Variants in CAPN13 observed in about 807,000 individuals in gnomAD.
CAPN13 encodes calpain-13.
Under a neutral mutation model 98.4 loss-of-function variants are expected in CAPN13, and 90 were observed. The ratio of observed to expected loss-of-function variants is 0.92; its 90% CI spans 0.77 to 1.09. The LOEUF (loss-of-function observed/expected upper bound fraction) is 1.09, where lower values mean the gene tolerates loss of function less well. Among genes scored for constraint, CAPN13 ranks in the 50% least tolerant of loss-of-function variants. The probability of loss-of-function intolerance (pLI) is 0.00; values close to 1 mark genes in which losing one functional copy is unlikely to be tolerated. For synonymous variants in CAPN13, 330 were observed against 305.5 expected, an observed-to-expected ratio of 1.08 and a Z score of -0.84; for missense variants, 887 against 841.3, an observed-to-expected ratio of 1.05 and a Z score of -0.67.
intron 4 of CAPN13, among the ~76,000 whole-genome samples, chr2:30,773,032 G>A (rs1434456250): frequency 6.6e-6 from 1 of 152,076 alleles, no homozygotes; most frequent in Non-Finnish European, 1.5e-5. Flanking sequence ...CACCATGTTG[G>A]CCAGGATGGC....
chr2:30,752,421 G>A (rs1672220211), intron 10 of CAPN13, among the ~76,000 whole-genome samples: 1 of 152,188 alleles, frequency 6.6e-6, no homozygotes, highest in African/African-American at 2.4e-5. Flanking sequence ...GACAGGGAGG[G>A]AATGTGACTT....
At chr2:30,773,965 A>T (rs1394089337) in intron 4 of CAPN13, among the ~76,000 whole-genome samples, 1 of 152,172 alleles carries the variant, frequency 6.6e-6, no homozygotes, top group Non-Finnish European at 1.5e-5. Flanking sequence ...CTACTTTATT[A>T]ATCTCCCCAA....
At position 30,738,234 on chromosome 2, in the gene CAPN13, C is replaced by A; in HGVS notation, c.1653+1G>T. ...ATGGGAGGGATGACCGCAAAGGATA[C>A]TTCCATCAGAGCCACCAAGCTGCGG... is the stretch of plus-strand genomic sequence containing the variant. On this transcript the variant is annotated splice_donor_variant, in intron 17 of 22. Transcript: ENST00000295055. LOFTEE classifies it high-confidence loss of function. 1 of 1,613,936 alleles carries A rather than the reference C, an allele frequency of 6.2e-7. No individual in the cohort carries two copies. Among genetic ancestry groups the A allele is most frequent in the Non-Finnish European group, 8.5e-7 (1 of 1,179,862 alleles).
chr2:30,799,567 G>A (rs1470971099), intron 1 of CAPN13, among the ~76,000 whole-genome samples: 1 of 152,152 alleles, frequency 6.6e-6, no homozygotes, highest in Non-Finnish European at 1.5e-5. Flanking sequence ...CTCCTGTCCT[G>A]CCCCCAGCTT....
chr2:30,729,116 A>AGC (rs1370153924), intron 22 of CAPN13, among the ~76,000 whole-genome samples: 1 of 152,230 alleles, frequency 6.6e-6, no homozygotes, highest in Non-Finnish European at 1.5e-5. Flanking sequence ...ATGAGGAAGA[A>AGC]GTGGGGAGAT....
intron 12 of CAPN13, among the ~76,000 whole-genome samples, chr2:30,744,802 A>G (rs1255868438): frequency 6.6e-6 from 1 of 152,170 alleles, no homozygotes; most frequent in Admixed American, 6.5e-5. Flanking sequence ...CTGGTCATGC[A>G]CAGACCTGAC....
intron 1 of CAPN13, among the ~76,000 whole-genome samples, chr2:30,800,336 G>A (rs961390796): frequency 6.6e-6 from 1 of 152,172 alleles, no homozygotes; most frequent in Non-Finnish European, 1.5e-5. Flanking sequence ...AAGCAGAAGC[G>A]ACTTACTGAG....
intron 22 of CAPN13, among the ~76,000 whole-genome samples, chr2:30,730,516 A>G (rs762201340): frequency 1.3e-5 from 2 of 152,102 alleles, no homozygotes; most frequent in Non-Finnish European, 2.9e-5. Flanking sequence ...ATGCCTTTCC[A>G]TAAAGGTCCA....
intron 19 of CAPN13, 48 bp downstream of exon 19, chr2:30,734,401 C>T: frequency 6.9e-7 from 1 of 1,450,114 alleles, no homozygotes; most frequent in Non-Finnish European, 9.7e-7. Flanking sequence ...TGGGCATCAC[C>T]CCCCTCCCCG....
At chr2:30,776,518 TTC>T (rs1572857243) in intron 3 of CAPN13, among the ~76,000 whole-genome samples, 1 of 152,222 alleles carries the variant, frequency 6.6e-6, no homozygotes, top group Non-Finnish European at 1.5e-5. Context: ...CAGCCTCTGA[TTC>T]TCTTTTTGCC....
At chr2:30,792,620 A>G (rs948985194) in intron 1 of CAPN13, among the ~76,000 whole-genome samples, 1 of 152,068 alleles carries the variant, frequency 6.6e-6, no homozygotes, top group Non-Finnish European at 1.5e-5. Context: ...AGTGAATTCT[A>G]TTACACCTTC....
rs529316430 is a variant in CAPN13, at chr2:30,773,052, C to A, written c.388-2603G>T. 4.6e-5 allele frequency among the ~76,000 whole-genome samples: 7 copies of A among 152,330 alleles called. No individual in the cohort carries two copies. The East Asian group carries it at 1.4e-3, about 29-fold the overall frequency. On this transcript the variant is annotated intron_variant, in intron 4 of 22. Transcript: ENST00000295055. ...TGTTGGCCAGGATGGCTTCGATCTC[C>A]TGACCTCGTGATCTACCCACCTCAG...
At chr2:30,760,921 G>T (rs904485954) in intron 7 of CAPN13, among the ~76,000 whole-genome samples, 5 of 152,220 alleles carry the variant, frequency 3.3e-5, no homozygotes, top group Non-Finnish European at 5.9e-5. Flanking sequence ...TACTGGGCAG[G>T]AGGTGGCCCG....
chr2:30,794,431 T>C (rs149486242), intron 1 of CAPN13, among the ~76,000 whole-genome samples: 1 of 152,026 alleles, frequency 6.6e-6, no homozygotes, highest in East Asian at 1.9e-4. Context: ...AACTGGAACT[T>C]TCATACACTC....
At chr2:30,778,076 T>C (rs1673793097) in intron 2 of CAPN13, among the ~76,000 whole-genome samples, 1 of 152,194 alleles carries the variant, frequency 6.6e-6, no homozygotes, top group Admixed American at 6.5e-5. Context: ...ATCTCAGAAA[T>C]TAGCATAGGT....
intron 2 of CAPN13, among the ~76,000 whole-genome samples, chr2:30,783,149 C>T (rs955442501): frequency 2.0e-5 from 3 of 152,160 alleles, no homozygotes; most frequent in Admixed American, 6.5e-5. Context: ...ATACTTCACT[C>T]GTGTGCATGC....
In CAPN13 at chr2:30,742,335, G is replaced by A. The variant is rs2276569; in HGVS notation, c.1470C>T (p.Leu490=). ...SDRHLSSHFN[L]RMKGSPSEHG... is the part of the protein sequence containing the mutation. ...CTTGCTGCATACCTACCTTCATTCT[G>A]AGGTTGAAATGGCTGCTCAGGTGCC... The change falls in exon 14 of 23, where the codon CTC becomes CTT. Residue 490 remains leucine (L), a synonymous_variant. Coordinates refer to ENST00000295055, the MANE Select transcript of CAPN13 (RefSeq NM_144575.3). 329 of 1,604,440 alleles carry A rather than the reference G, an allele frequency of 2.1e-4. 1 individual carries two copies. In the East Asian group the frequency reaches 7.3e-3, roughly 35 times the overall value.
At chr2:30,767,704 T>TG (rs1673181860) in intron 5 of CAPN13, among the ~76,000 whole-genome samples, 1 of 152,156 alleles carries the variant, frequency 6.6e-6, no homozygotes, top group African/African-American at 2.4e-5. Context: ...ACACTAGAAA[T>TG]GAATAAAAAA....
intron 5 of CAPN13, 95 bp from the exon 6 acceptor site, chr2:30,764,401 A>G (rs1673008645): frequency 7.2e-7 from 1 of 1,397,604 alleles, no homozygotes; most frequent in South Asian, 1.4e-5. Flanking sequence ...TTTCCCAGGT[A>G]AGGGGCTGCC....
Sources: allele counts gnomAD v4.1 joint callset (sites outside exome capture counted in the v4.1 genomes callset), GRCh38; gene constraint gnomAD v4.1.1; transcripts MANE v1.5; gene names NCBI Gene and HGNC (gene_info 2026-07-23, HGNC 2026-07-21).